Variants in NDRG4 observed in about 807,000 individuals in gnomAD.
NDRG4 encodes the protein protein NDRG4.
NDRG4 carries 38 observed loss-of-function variants against 55.8 expected under a neutral mutation model. That is an observed-to-expected ratio of 0.68 (90% confidence interval 0.53 to 0.89). The LOEUF (loss-of-function observed/expected upper bound fraction) is 0.89. Among genes scored for constraint, NDRG4 ranks in the 40% least tolerant of loss-of-function variants. The probability of loss-of-function intolerance (pLI) is 0.00; values close to 1 mark genes in which losing one functional copy is unlikely to be tolerated. For synonymous variants in NDRG4, 190 were observed against 182.7 expected (o/e 1.04, Z -0.32); for missense variants, 455 against 468.6 (o/e 0.97, Z 0.27).
At chr16:58,487,245 G>C (rs897334676) in intron 1 of NDRG4, among the ~76,000 whole-genome samples, 16 of 152,326 alleles carry the variant, frequency 1.1e-4, no homozygotes, top group African/African-American at 3.8e-4. Context: ...AATAGGCTGG[G>C]CATGGTGGCT....
Position 58,509,137 on chromosome 16 carries a change from C to T in NDRG4, c.778-17C>T, listed in dbSNP as rs747804739. The T allele has an allele frequency of 6.2e-7, 1 of 1,613,918 alleles. No individual in the cohort carries two copies. The highest frequency in any genetic ancestry group is 1.3e-5 in the African/African-American group (1 of 74,942). ...AGTGAGGGCCCTGCTCAGGTCACCC[C>T]ACTCTCTCCCTTGCAGATGGCAGAC... On this transcript the variant is annotated splice_polypyrimidine_tract_variant and intron_variant, in intron 11 of 14. Coordinates refer to ENST00000570248, the MANE Select transcript of NDRG4 (RefSeq NM_001242835.2).
Position 58,503,770 on chromosome 16 carries a change from A to G in NDRG4, c.22-28A>G, listed in dbSNP as rs770927222. On this transcript the variant is annotated intron_variant, in intron 1 of 14. Coordinates refer to ENST00000570248, the MANE Select transcript of NDRG4 (RefSeq NM_001242835.2). ...GGAGCCAAGAGCGGAGGCTGCCCAG[A>G]GTGTCCAGCACGGTCTCTCCCCTTC... 3.7e-6 allele frequency: 6 copies of G among 1,613,400 alleles called. No homozygotes were observed. In the South Asian group the frequency reaches 6.6e-5, roughly 18 times the overall value.
chr16:58,470,683 G>A (rs1016445606), intron 1 of NDRG4, among the ~76,000 whole-genome samples: 10 of 152,104 alleles, frequency 6.6e-5, no homozygotes, highest in Middle Eastern at 3.4e-3. Context: ...GATGCAGGTG[G>A]ATCACCTGAG....
At chr16:58,478,060 G>A (rs1239161644) in intron 1 of NDRG4, among the ~76,000 whole-genome samples, 1 of 152,102 alleles carries the variant, frequency 6.6e-6, no homozygotes, top group African/African-American at 2.4e-5. Flanking sequence ...CCCAAAGCGA[G>A]GACATTCTAC....
At chr16:58,507,595 G>C in intron 8 of NDRG4, 1 of 561,398 alleles carries the variant, frequency 1.8e-6, no homozygotes. Flanking sequence ...GTGGCGGTGC[G>C]CATGGCTCTG....
chr16:58,468,076 C>A (rs546674091), intron 1 of NDRG4, among the ~76,000 whole-genome samples: 1 of 152,200 alleles, frequency 6.6e-6, no homozygotes, highest in African/African-American at 2.4e-5. Flanking sequence ...GGGGCCCTTC[C>A]AGCCAGACAC....
At chr16:58,472,857 C>T (rs745336695) in intron 1 of NDRG4, among the ~76,000 whole-genome samples, 2 of 152,090 alleles carry the variant, frequency 1.3e-5, no homozygotes, top group East Asian at 1.9e-4. Flanking sequence ...TAAAGGCCTT[C>T]GAGACCGGGC....
At chr16:58,506,704 T>A (rs2038079443) in intron 7 of NDRG4, 90 bp downstream of exon 7, 1 of 1,429,802 alleles carries the variant, frequency 7.0e-7, no homozygotes, top group Non-Finnish European at 9.6e-7. Context: ...GTCTTTGGCA[T>A]CTGACCTGGC....
chr16:58,511,190 C>T (rs1257714556), intron 14 of NDRG4: 4 of 560,742 alleles, frequency 7.1e-6, no homozygotes, highest in African/African-American at 3.8e-5. Context: ...CCTCCCTGCA[C>T]CAGCTCAGGG....
intron 1 of NDRG4, among the ~76,000 whole-genome samples, chr16:58,485,965 A>G (rs949275393): frequency 4.6e-5 from 7 of 152,148 alleles, no homozygotes; most frequent in Admixed American, 3.9e-4. Flanking sequence ...TCCTTAGGCA[A>G]TTTCTCCACG....
chr16:58,513,967 C>CA (rs1012622251), downstream of NDRG4, among the ~76,000 whole-genome samples: 4 of 151,884 alleles, frequency 2.6e-5, no homozygotes, highest in Non-Finnish European at 2.9e-5. Flanking sequence ...CAAAATAAAA[C>CA]AAAAAAACAA....
intron 1 of NDRG4, among the ~76,000 whole-genome samples, chr16:58,478,557 A>G (rs1368714914): frequency 6.6e-6 from 1 of 152,170 alleles, no homozygotes; most frequent in Non-Finnish European, 1.5e-5. Flanking sequence ...TACGTTCTGT[A>G]TATTACTTAA....
At chr16:58,489,675 C>T (rs913404208) in intron 2 of NDRG4, among the ~76,000 whole-genome samples, 1 of 152,044 alleles carries the variant, frequency 6.6e-6, no homozygotes, top group Non-Finnish European at 1.5e-5. Flanking sequence ...CAGGTCTCCC[C>T]AGTGCCTCAC....
chr16:58,467,715 A>G (rs945008930), intron 1 of NDRG4, among the ~76,000 whole-genome samples: 7 of 152,132 alleles, frequency 4.6e-5, no homozygotes, highest in African/African-American at 1.4e-4. Context: ...GCCGTTCCAC[A>G]CTTCATTTTC....
intron 1 of NDRG4, among the ~76,000 whole-genome samples, chr16:58,474,718 C>T (rs564158957): frequency 2.0e-5 from 3 of 152,292 alleles, no homozygotes; most frequent in South Asian, 2.1e-4. Context: ...ACAGTAGGTG[C>T]CAAATCAGTA....
intron 1 of NDRG4, among the ~76,000 whole-genome samples, chr16:58,502,912 C>G (rs1446472251): frequency 1.3e-5 from 2 of 152,212 alleles, no homozygotes; most frequent in Non-Finnish European, 2.9e-5. Flanking sequence ...GGCATTCTCC[C>G]AAGGCTCAGG....
At chr16:58,487,667 G>A (rs557249776) in intron 1 of NDRG4, 77 of 1,079,926 alleles carry the variant, frequency 7.1e-5, no homozygotes, top group Admixed American at 1.3e-4. Context: ...TCTGGTTTCC[G>A]CGCTCCCGCC....
At chr16:58,506,526 CG>C in intron 6 of NDRG4, 31 bp from the exon 7 acceptor site, 1 of 1,599,042 alleles carries the variant, frequency 6.3e-7, no homozygotes, top group South Asian at 1.1e-5. Flanking sequence ...GGGTGAGGGG[CG>C]GCACTCACGC....
Position 58,464,510 on chromosome 16 carries a change from T to C in NDRG4, c.-24+713T>C. On this transcript the variant is annotated intron_variant, in intron 1 of 15. Coordinates refer to the NDRG4 transcript ENST00000258187. This position sits in a 1 kb window ranked among gnomAD's most constrained non-coding sequence, Gnocchi z 4.8. ...CGCAGCCGGCCGCCACTTTCCGAGT[T>C]GGAGCGGACTCCGGGCGCGGCGGCC... is the stretch of plus-strand genomic sequence containing the variant. The C allele has an allele frequency of 7.7e-7, 1 of 1,299,436 alleles. No homozygotes were observed. The highest frequency in any genetic ancestry group is 9.8e-7 in the Non-Finnish European group (1 of 1,021,882). 80.5% of individuals were successfully genotyped at this position (1,299,436 alleles called of 1,614,324 possible). A position where few individuals can be genotyped will look rare whatever the true frequency, so the allele number is the denominator to read the frequency against.
Sources: gnomAD v4.1 joint callset for allele counts (sites outside exome capture counted in the v4.1 genomes callset) on GRCh38, gnomAD v4.1.1 for gene constraint, Gnocchi (gnomAD v3.1) non-coding constraint, MANE v1.5 for transcripts, NCBI Gene and HGNC (gene_info 2026-07-23, HGNC 2026-07-21) for gene names.